TG: variants seen among roughly 807,000 people sequenced by gnomAD.
The protein encoded by TG is thyroid hormones.
A neutral mutation model predicts 324.7 loss-of-function variants in TG; 270 were observed. That is an observed-to-expected ratio of 0.83 (90% CI 0.75 to 0.92). TG has a LOEUF of 0.92. Ranked by LOEUF, TG falls within the 40% of genes least tolerant of loss-of-function variation. TG has a pLI of 0.00. For missense variants in TG, 3,591 were observed against 3,456.4 expected (o/e 1.04, Z -0.98); for synonymous variants, 1,401 against 1,327.0 (o/e 1.06, Z -1.21).
Position 132,983,398 on chromosome 8 carries a change from C to G in TG, c.6248C>G (p.Ser2083Cys), listed in dbSNP as rs1479947978. 3 of 1,613,964 alleles carry G rather than the reference C, an allele frequency of 1.9e-6. 1 individual carries two copies. The highest frequency in any genetic ancestry group is 1.7e-6 in the Non-Finnish European group (2 of 1,179,960). ...PSFCPLVVLP[S>C]LTEKVSLDSW... Reference sequence around the variant, plus strand: ...TTTTGCCCTTTGGTTGTTCTGCCTTCCCTCACAGAGAAAGGTAAGTTCATT... The same window carrying G: ...TTTTGCCCTTTGGTTGTTCTGCCTTGCCTCACAGAGAAAGGTAAGTTCATT... Residue 2083 changes from serine (S) to cysteine (C), a missense_variant, in exon 35 of 48, where the codon TCC becomes TGC. Physicochemically the swap from Ser to Cys is moderately radical, Grantham distance 112. Coordinates refer to ENST00000220616, the MANE Select transcript of TG (RefSeq NM_003235.5).
chr8:133,041,764 C>A (rs1181998708), intron 41 of TG, among the ~76,000 whole-genome samples: 2 of 150,870 alleles, frequency 1.3e-5, no homozygotes, highest in African/African-American at 4.9e-5. Flanking sequence ...CTCATTGAGG[C>A]CTTGATCAGC....
intron 35 of TG, chr8:132,995,153 C>A (rs189888642): frequency 3.0e-4 from 294 of 967,118 alleles, no homozygotes; most frequent in Non-Finnish European, 3.1e-4. Context: ...AATTCTATTC[C>A]TACTCTATGA....
chr8:133,070,139 G>A (rs1173323747), intron 41 of TG, among the ~76,000 whole-genome samples: 1 of 152,138 alleles, frequency 6.6e-6, no homozygotes, highest in Non-Finnish European at 1.5e-5. Flanking sequence ...CAATGTTTCA[G>A]GGGGAAAAAT....
chr8:132,975,714 T>C (rs527541410), intron 34 of TG, among the ~76,000 whole-genome samples: 19 of 152,310 alleles, frequency 1.2e-4, no homozygotes, highest in African/African-American at 4.8e-5. Flanking sequence ...TTCACACCCA[T>C]GTATCATGAG....
intron 35 of TG, chr8:132,994,827 A>T: frequency 3.9e-6 from 5 of 1,284,306 alleles, no homozygotes; most frequent in Non-Finnish European, 5.1e-6. Flanking sequence ...AAGAGGAGAG[A>T]AGGGGCTGGG....
chr8:133,074,747 C>T, intron 41 of TG: 1 of 595,542 alleles, frequency 1.7e-6, no homozygotes, highest in South Asian at 7.3e-5. Context: ...CACCTGTTCT[C>T]AGGGAGCTCC....
chr8:132,914,655 G>A (rs1487939723), intron 20 of TG, among the ~76,000 whole-genome samples: 1 of 152,220 alleles, frequency 6.6e-6, no homozygotes, highest in Non-Finnish European at 1.5e-5. Flanking sequence ...TGCCTGGGGT[G>A]GGGCTGACAC....
At chr8:133,058,091 C>T (rs1346725301) in intron 41 of TG, among the ~76,000 whole-genome samples, 1 of 152,210 alleles carries the variant, frequency 6.6e-6, no homozygotes, top group Admixed American at 6.5e-5. Context: ...AGCTGAGTAG[C>T]AGCTCATTCC....
At chr8:132,907,278 CCT>C (rs1294747645) in intron 17 of TG, among the ~76,000 whole-genome samples, 1 of 152,200 alleles carries the variant, frequency 6.6e-6, no homozygotes, top group Non-Finnish European at 1.5e-5. Flanking sequence ...GCTCTCCCAG[CCT>C]CTGAGTGACC....
At chr8:132,971,974 C>G (rs1449623976) in intron 33 of TG, 101 bp downstream of exon 33, 7 of 874,748 alleles carry the variant, frequency 8.0e-6, no homozygotes, top group Non-Finnish European at 1.2e-5. Flanking sequence ...ATCTCCTATC[C>G]TCGTTCACAG....
chr8:132,967,673 G>T (rs988372700), intron 30 of TG, 121 bp from the exon 31 acceptor site: 20 of 1,100,416 alleles, frequency 1.8e-5, no homozygotes, highest in Non-Finnish European at 2.7e-5. Context: ...ACAGTCTCAG[G>T]CCTCTGCCCT....
intron 42 of TG, 30 bp from the exon 43 acceptor site, chr8:133,096,176 G>T: frequency 6.2e-7 from 1 of 1,613,738 alleles, no homozygotes; most frequent in South Asian, 1.1e-5. Context: ...ATTATTCCAG[G>T]ACAACTGATT....
At chr8:133,084,838 G>A (rs2131560855) in intron 41 of TG, among the ~76,000 whole-genome samples, 1 of 152,342 alleles carries the variant, frequency 6.6e-6, no homozygotes, top group Admixed American at 6.5e-5. Flanking sequence ...GGACTGCCGT[G>A]CCTGTCAAAG....
At chr8:132,988,570 T>A in intron 35 of TG, 1 of 355,304 alleles carries the variant, frequency 2.8e-6, no homozygotes, top group Non-Finnish European at 3.9e-6. Context: ...TAGCTAGATT[T>A]TGAGAAAGTG....
At chr8:133,110,410 A>G (rs927089808) in intron 43 of TG, among the ~76,000 whole-genome samples, 11 of 152,222 alleles carry the variant, frequency 7.2e-5, no homozygotes, top group African/African-American at 1.9e-4. Flanking sequence ...GGAACGAACT[A>G]TTATATTTTC....
intron 41 of TG, among the ~76,000 whole-genome samples, chr8:133,054,274 TTAAGA>T (rs1434991181): frequency 2.0e-5 from 3 of 152,026 alleles, no homozygotes; most frequent in Admixed American, 1.3e-4. Flanking sequence ...TATTGCAGAC[TTAAGA>T]TAAGGAAACA....
intron 27 of TG, among the ~76,000 whole-genome samples, chr8:132,951,384 A>G (rs1029104790): frequency 6.6e-6 from 1 of 152,214 alleles, no homozygotes; most frequent in Non-Finnish European, 1.5e-5. Flanking sequence ...GCTTATTTAT[A>G]TGATGAGTAG....
chr8:132,969,652 G>A, intron 32 of TG, 83 bp downstream of exon 32: 1 of 1,100,724 alleles, frequency 9.1e-7, no homozygotes, highest in Non-Finnish European at 1.4e-6. Context: ...GCTAAAAACA[G>A]AAGCATACCC....
rs574349744 is a variant in TG, at chr8:132,888,277, C to G, written c.2470C>G (p.Leu824Val). 6.2e-7 allele frequency: 1 copy of G among 1,614,194 alleles called. No individual in the cohort carries two copies. Among genetic ancestry groups the G allele is most frequent in the East Asian group, 2.2e-5 (1 of 44,882 alleles). The part of the protein sequence containing the change: ...SGNFSLFIQS[L>V]YEAGQQDVFP... ...AAACTTCAGTCTCTTTATTCAAAGT[C>G]TGTATGAGGCTGGCCAGCAAGATGT... Residue 824 changes from leucine to valine, a missense_variant, in exon 10 of 48, where the codon CTG becomes GTG. By Grantham distance (32) the Leu-to-Val change is conservative (BLOSUM62 1). Transcript: ENST00000220616.
Sources: gnomAD v4.1 joint callset for allele counts (sites outside exome capture counted in the v4.1 genomes callset) on GRCh38, gnomAD v4.1.1 for gene constraint, MANE v1.5 for transcripts, NCBI Gene and HGNC (gene_info 2026-07-23, HGNC 2026-07-21) for gene names.